Variants in GCNT2 observed in about 807,000 individuals in gnomAD.
The protein encoded by GCNT2 is glucosaminyl (N-acetyl) transferase 2 (I blood group).
Under a neutral mutation model 34.2 loss-of-function variants are expected in GCNT2, and 34 were observed. The observed-to-expected ratio is 1.00, with a 90% CI of 0.76 to 1.32. The LOEUF (loss-of-function observed/expected upper bound fraction) is 1.32, where lower values mean the gene tolerates loss of function less well. GCNT2 is among the 40% of genes most tolerant of loss of function. The probability of loss-of-function intolerance (pLI) is 0.00; values close to 1 mark genes in which losing one functional copy is unlikely to be tolerated. For missense variants in GCNT2, 584 were observed against 489.4 expected, an observed-to-expected ratio of 1.19 and a Z score of -1.82; for synonymous variants, 212 against 188.0, an observed-to-expected ratio of 1.13 and a Z score of -1.04.
Position 10,627,727 on chromosome 6 carries a change from T to C in GCNT2, c.*1120T>C, listed in dbSNP as rs566550789. 2.2e-4 allele frequency: 34 copies of C among 152,302 alleles called. No homozygotes were observed. Among genetic ancestry groups the C allele is most frequent in the African/African-American group, 7.2e-4 (30 of 41,558 alleles). 9.4% of individuals were successfully genotyped at this position (152,302 alleles called of 1,614,324 possible). The stretch of plus-strand genomic sequence containing the variant: ...TTCACTCTAAAAATCTTGGCAATAA[T>C]GTCAACACCAGAAAGCCTCCTCTGG... On this transcript the variant is annotated 3_prime_UTR_variant, in exon 5 of 5. Coordinates refer to ENST00000495262, the MANE Select transcript of GCNT2 (RefSeq NM_145649.5).
At chr6:10,606,603 C>CTTCCATTAAAGAAATTTCATGGAAAT (rs1765319633) in intron 3 of GCNT2, among the ~76,000 whole-genome samples, 1 of 60,626 alleles carries the variant, frequency 1.6e-5, no homozygotes, top group Non-Finnish European at 2.9e-5. Context: ...GTACCTTTAA[C>CTTCCATTAAAGAAATTTCATGGAAAT]TTCCATTAAA....
intron 3 of GCNT2, among the ~76,000 whole-genome samples, chr6:10,595,122 C>T (rs1764796571): frequency 6.6e-6 from 1 of 152,054 alleles, no homozygotes; most frequent in Non-Finnish European, 1.5e-5. Flanking sequence ...TTATGACCAC[C>T]AAAAAGCTTC....
chr6:10,546,076 G>A (rs750252199), intron 3 of GCNT2, among the ~76,000 whole-genome samples: 3 of 152,202 alleles, frequency 2.0e-5, no homozygotes, highest in Non-Finnish European at 2.9e-5. Flanking sequence ...TGTTCTTTAT[G>A]CCTCACTGCT....
chr6:10,589,682 A>C (rs1305117416), intron 3 of GCNT2, among the ~76,000 whole-genome samples: 1 of 151,924 alleles, frequency 6.6e-6, no homozygotes, highest in Non-Finnish European at 1.5e-5. Flanking sequence ...TAAAGTTTTC[A>C]CTCCATCAGC....
At chr6:10,581,426 C>T (rs556510823) in intron 3 of GCNT2, among the ~76,000 whole-genome samples, 1 of 152,044 alleles carries the variant, frequency 6.6e-6, no homozygotes, top group South Asian at 2.1e-4. Flanking sequence ...ATGCACCACC[C>T]CACCTGGCTA....
intron 3 of GCNT2, among the ~76,000 whole-genome samples, chr6:10,585,066 TGTGTGTGTGTGTGC>T (rs879563506): frequency 0.012 from 1,516 of 129,362 alleles, 26 homozygotes; most frequent in African/African-American, 0.05. Flanking sequence ...TGTGTGTGTG[TGTGTGTGTGTGTGC>T]GCGCTATATT....
At chr6:10,556,406 T>C (rs1762704147) in intron 3 of GCNT2, 3 of 1,613,594 alleles carry the variant, frequency 1.9e-6, no homozygotes, top group Non-Finnish European at 2.5e-6. Flanking sequence ...CTCTTGACAT[T>C]TCACCCTTCT....
intron 3 of GCNT2, among the ~76,000 whole-genome samples, chr6:10,542,091 T>A (rs887319159): frequency 2.0e-5 from 3 of 152,218 alleles, no homozygotes; most frequent in Admixed American, 2.0e-4. Context: ...TTCATACAAA[T>A]CCAGCAGTTT....
chr6:10,557,584 C>T (rs956340714), intron 3 of GCNT2, among the ~76,000 whole-genome samples: 1 of 151,828 alleles, frequency 6.6e-6, no homozygotes, highest in African/African-American at 2.4e-5. Context: ...ACCTCCTGGG[C>T]TCCAGCAATC....
intron 3 of GCNT2, among the ~76,000 whole-genome samples, chr6:10,565,481 C>A (rs942905364): frequency 6.6e-6 from 1 of 152,294 alleles, no homozygotes; most frequent in South Asian, 2.1e-4. Flanking sequence ...TTTCCCACGA[C>A]CAGCTATCAC....
intron 2 of GCNT2, chr6:10,528,325 T>G (rs1263981018): frequency 1.3e-5 from 2 of 158,478 alleles, no homozygotes; most frequent in African/African-American, 2.4e-5. Context: ...GTTAAGCAAT[T>G]TTTTTAAAGC....
chr6:10,589,319 TGTG>T (rs1020206061), intron 3 of GCNT2, among the ~76,000 whole-genome samples: 23 of 121,472 alleles, frequency 1.9e-4, no homozygotes, highest in East Asian at 3.9e-4. Flanking sequence ...GTGTTTGTAG[TGTG>T]GTGTGTTTGT....
At chr6:10,534,077 T>A (rs1761639152) in intron 3 of GCNT2, among the ~76,000 whole-genome samples, 3 of 150,878 alleles carry the variant, frequency 2.0e-5, no homozygotes, top group Non-Finnish European at 4.4e-5. Context: ...GTTTATGGGC[T>A]CCTCCACCCT....
chr6:10,622,792 A>C (rs1467359941), intron 4 of GCNT2, among the ~76,000 whole-genome samples: 1 of 118,140 alleles, frequency 8.5e-6, no homozygotes, highest in East Asian at 2.6e-4. Flanking sequence ...TCGCTCTATC[A>C]CCAGGCTGGA....
At chr6:10,575,815 G>A (rs968367794) in intron 3 of GCNT2, among the ~76,000 whole-genome samples, 15 of 152,044 alleles carry the variant, frequency 9.9e-5, no homozygotes, top group South Asian at 2.1e-4. Context: ...TTCCTGGCTC[G>A]TCCTGGCTCA....
chr6:10,562,429 C>CA (rs763987516), intron 3 of GCNT2, among the ~76,000 whole-genome samples: 1 of 152,084 alleles, frequency 6.6e-6, no homozygotes, highest in Non-Finnish European at 1.5e-5. Context: ...TCCAAATTCC[C>CA]ATCCCTGGTT....
intron 3 of GCNT2, among the ~76,000 whole-genome samples, chr6:10,593,025 G>C (rs1323803813): frequency 6.6e-6 from 1 of 152,196 alleles, no homozygotes; most frequent in Non-Finnish European, 1.5e-5. Flanking sequence ...ACAGGCGTGA[G>C]CCACCACGCC....
chr6:10,607,903 C>T (rs555981851), intron 3 of GCNT2, among the ~76,000 whole-genome samples: 1 of 152,014 alleles, frequency 6.6e-6, no homozygotes, highest in African/African-American at 2.4e-5. Context: ...ATTAGATAAC[C>T]TGTCAGTGGT....
chr6:10,583,882 T>A (rs949148329), intron 3 of GCNT2, among the ~76,000 whole-genome samples: 1 of 152,190 alleles, frequency 6.6e-6, no homozygotes, highest in Admixed American at 6.5e-5. Flanking sequence ...ACTTTTGCTC[T>A]CTGGGAACAC....
Sources: gnomAD v4.1 joint callset for allele counts (sites outside exome capture counted in the v4.1 genomes callset) on GRCh38, gnomAD v4.1.1 for gene constraint, MANE v1.5 for transcripts, NCBI Gene and HGNC (gene_info 2026-07-23, HGNC 2026-07-21) for gene names.